The following RARB variants were observed in gnomAD, a reference collection of about 807,000 sequenced individuals.
RARB encodes HBV-activated protein.
In RARB, 17 loss-of-function variants were observed where a neutral mutation model predicts 51.9. That is an observed-to-expected ratio of 0.33 (90% confidence interval 0.22 to 0.49). The LOEUF is 0.49. Ranked by LOEUF, RARB falls within the 20% of genes least tolerant of loss-of-function variation. The probability of loss-of-function intolerance (pLI) is 0.99; values close to 1 mark genes in which losing one functional copy is unlikely to be tolerated. For missense variants in RARB, 369 were observed against 550.8 expected (o/e 0.67, Z 3.30); for synonymous variants, 215 against 195.4 (o/e 1.10, Z -0.84).
chr3:25,224,446 C>A (rs1164286545), intron 5 of RARB, among the ~76,000 whole-genome samples: 1 of 152,094 alleles, frequency 6.6e-6, no homozygotes, highest in African/African-American at 2.4e-5. Context: ...GGAAGCAGAC[C>A]AAGCCTCAAG....
intron 1 of RARB, among the ~76,000 whole-genome samples, chr3:24,854,926 A>G (rs1702612837): frequency 1.3e-5 from 2 of 152,322 alleles, no homozygotes; most frequent in South Asian, 4.1e-4. Flanking sequence ...TGGGGCTGGA[A>G]AGGAGGAATC....
intron 5 of RARB, among the ~76,000 whole-genome samples, chr3:25,302,913 G>A (rs769737760): frequency 1.3e-5 from 2 of 152,180 alleles, no homozygotes; most frequent in African/African-American, 2.4e-5. Flanking sequence ...CACAGAATTT[G>A]TGTGTATGTA....
At chr3:25,574,506 G>A (rs1700841950) in intron 4 of RARB, among the ~76,000 whole-genome samples, 3 of 152,148 alleles carry the variant, frequency 2.0e-5, no homozygotes, top group African/African-American at 7.2e-5. Context: ...TGTGACAGTG[G>A]GACAGATTTC....
chr3:24,972,393 A>G (rs1230928044), intron 2 of RARB, among the ~76,000 whole-genome samples: 3 of 151,920 alleles, frequency 2.0e-5, no homozygotes, highest in Admixed American at 2.0e-4. Flanking sequence ...TCATCTACTG[A>G]TGGCCACTTA....
chr3:25,174,594 T>A (rs759024809), intron 5 of RARB: 1 of 1,351,678 alleles, frequency 7.4e-7, no homozygotes, highest in Admixed American at 1.9e-5. Flanking sequence ...TGCTGGAATT[T>A]GCTCTCTTTT....
intron 4 of RARB, among the ~76,000 whole-genome samples, chr3:25,133,459 A>T (rs1433842591): frequency 6.6e-6 from 1 of 152,016 alleles, no homozygotes; most frequent in Non-Finnish European, 1.5e-5. Flanking sequence ...GAGGATAGTA[A>T]CTGTAAGCAC....
At chr3:25,082,831 T>C (rs1471599178) in intron 3 of RARB, among the ~76,000 whole-genome samples, 1 of 152,140 alleles carries the variant, frequency 6.6e-6, no homozygotes, top group African/African-American at 2.4e-5. Context: ...TCTAATATTG[T>C]GCAAGTCTAT....
chr3:25,265,652 T>G (rs371844888), intron 5 of RARB, among the ~76,000 whole-genome samples: 75 of 152,246 alleles, frequency 4.9e-4, no homozygotes, highest in African/African-American at 1.7e-3. Context: ...TTTGTATTTT[T>G]GTAGACACAG....
At chr3:25,024,233 T>C (rs1036262997) in intron 2 of RARB, among the ~76,000 whole-genome samples, 2 of 152,236 alleles carry the variant, frequency 1.3e-5, no homozygotes, top group Non-Finnish European at 2.9e-5. Context: ...TAGATCTGTC[T>C]TTTCTAATTT....
In RARB at chr3:25,448,593, G is replaced by A. The variant is rs143439715; in HGVS notation, c.158-12600G>A. On this transcript the variant is annotated intron_variant, in intron 1 of 7. Transcript: ENST00000330688. ...AGCAATTCTCCTGCCTCAGCCTCCCGAGTAGCTGGGATTGCAGGCATGCAC... is the reference window on the plus strand; with the variant it reads ...AGCAATTCTCCTGCCTCAGCCTCCCAAGTAGCTGGGATTGCAGGCATGCAC... Among the ~76,000 whole-genome samples the A allele has an allele frequency of 3.3e-3, 504 of 152,064 alleles. 3 individuals are homozygous for A. The highest frequency in any genetic ancestry group is 0.011 in the African/African-American group (475 of 41,468).
intron 5 of RARB, among the ~76,000 whole-genome samples, chr3:25,273,540 T>A (rs1304380210): frequency 6.6e-6 from 1 of 152,176 alleles, no homozygotes; most frequent in Non-Finnish European, 1.5e-5. Context: ...AGAAGTGACA[T>A]CTCCCTGCTC....
chr3:25,419,336 G>T (rs1458933796), intron 5 of RARB, among the ~76,000 whole-genome samples: 1 of 152,078 alleles, frequency 6.6e-6, no homozygotes, highest in Non-Finnish European at 1.5e-5. Flanking sequence ...CCATATTTTG[G>T]GGTAGCATGT....
intron 1 of RARB, among the ~76,000 whole-genome samples, chr3:25,449,496 A>T (rs1200058493): frequency 6.6e-6 from 1 of 152,150 alleles, no homozygotes; most frequent in African/African-American, 2.4e-5. Flanking sequence ...CGTACCCTGC[A>T]TACTCTAAAA....
intron 2 of RARB, among the ~76,000 whole-genome samples, chr3:24,989,344 G>T (rs924598151): frequency 4.6e-5 from 7 of 152,190 alleles, no homozygotes; most frequent in Non-Finnish European, 1.0e-4. Flanking sequence ...CTGGGTGCTG[G>T]AGTCTTTCTC....
chr3:24,907,028 G>C (rs931841506), intron 2 of RARB, among the ~76,000 whole-genome samples: 2 of 151,988 alleles, frequency 1.3e-5, no homozygotes, highest in Admixed American at 1.3e-4. Flanking sequence ...GAATATCTGG[G>C]GCTGAGTTGG....
Position 25,484,376 on chromosome 3 carries a change from A to G in RARB, c.307-16806A>G, listed in dbSNP as rs115573599. On this transcript the variant is annotated intron_variant, in intron 2 of 7. Coordinates refer to ENST00000330688, the MANE Select transcript of RARB (RefSeq NM_000965.5). ...TAGTTTCTGAGACCGTGATGTTGAT[A>G]ATTAGGGTGTATGTGTACGTGTGTG... 5.1e-3 allele frequency among the ~76,000 whole-genome samples: 772 copies of G among 152,172 alleles called. 4 individuals carry two copies. The highest frequency in any genetic ancestry group is 0.018 in the African/African-American group (735 of 41,518).
intron 2 of RARB, among the ~76,000 whole-genome samples, chr3:24,934,703 A>G (rs981817092): frequency 6.6e-6 from 1 of 152,160 alleles, no homozygotes; most frequent in Non-Finnish European, 1.5e-5. Flanking sequence ...TTTAATGTCT[A>G]AGAAGAAAAT....
In RARB at chr3:25,461,344, G is replaced by A. The variant is rs1695170192; in HGVS notation, c.306+3G>A. 6.2e-7 allele frequency: 1 copy of A among 1,613,116 alleles called. No individual in the cohort carries two copies. Among genetic ancestry groups the A allele is most frequent in the Admixed American group, 1.7e-5 (1 of 59,836 alleles). On this transcript the variant is annotated splice_donor_region_variant and intron_variant, in intron 2 of 7. Transcript: ENST00000330688. ...TCAGCGCCTGTGAGGGATGTAAGGTGAGTATTCACACTTCTGTGCCTGATG... is the reference window on the plus strand; with the variant it reads ...TCAGCGCCTGTGAGGGATGTAAGGTAAGTATTCACACTTCTGTGCCTGATG...
intron 3 of RARB, among the ~76,000 whole-genome samples, chr3:25,124,502 A>G (rs188734624): frequency 1.2e-3 from 179 of 152,320 alleles, no homozygotes; most frequent in African/African-American, 4.1e-3. Flanking sequence ...TGGGAATTTT[A>G]TGGAATGTAC....
Sources: gnomAD v4.1 joint callset for allele counts (sites outside exome capture counted in the v4.1 genomes callset) on GRCh38, gnomAD v4.1.1 for gene constraint, MANE v1.5 for transcripts, NCBI Gene and HGNC (gene_info 2026-07-23, HGNC 2026-07-21) for gene names.